PIK3C2G: variants seen among roughly 807,000 people sequenced by gnomAD.
PIK3C2G encodes the protein phosphatidylinositol-4-phosphate 3-kinase catalytic subunit type 2 gamma.
Under a neutral mutation model 181.1 loss-of-function variants are expected in PIK3C2G, and 168 were observed. That is an observed-to-expected ratio of 0.93 (90% CI 0.82 to 1.05). The LOEUF (loss-of-function observed/expected upper bound fraction) is 1.05. PIK3C2G is among the 50% of genes least tolerant of loss of function. The pLI is 0.00. For synonymous variants in PIK3C2G, 573 were observed against 592.2 expected (o/e 0.97, Z 0.47); for missense variants, 1,869 against 1,732.8 (o/e 1.08, Z -1.40).
chr12:18,400,310 T>A (rs760824417), intron 16 of PIK3C2G, among the ~76,000 whole-genome samples: 8 of 152,014 alleles, frequency 5.3e-5, no homozygotes, highest in Non-Finnish European at 1.0e-4. Flanking sequence ...CTTGAGATCT[T>A]CACTCAGAAT....
chr12:18,583,484 C>G (rs1249742599), intron 29 of PIK3C2G, among the ~76,000 whole-genome samples: 1 of 152,126 alleles, frequency 6.6e-6, no homozygotes, highest in Non-Finnish European at 1.5e-5. Context: ...TGAGACAGAG[C>G]TCCCAGTGGG....
At chr12:18,352,737 G>A (rs1377823485) in intron 11 of PIK3C2G, among the ~76,000 whole-genome samples, 1 of 152,168 alleles carries the variant, frequency 6.6e-6, no homozygotes, top group East Asian at 1.9e-4. Flanking sequence ...AGCTAGAAAG[G>A]GGATGGAGTG....
intron 5 of PIK3C2G, among the ~76,000 whole-genome samples, chr12:18,295,958 G>T (rs750341054): frequency 1.3e-5 from 2 of 151,978 alleles, no homozygotes; most frequent in Non-Finnish European, 2.9e-5. Context: ...TTTATACAGA[G>T]AACACAGGTA....
intron 31 of PIK3C2G, among the ~76,000 whole-genome samples, chr12:18,610,077 C>T (rs1053190848): frequency 4.0e-4 from 61 of 152,182 alleles, no homozygotes; most frequent in African/African-American, 1.3e-3. Context: ...AAAAGTTCCA[C>T]TCTCTATTAC....
chr12:18,595,846 T>G (rs1165165046), intron 30 of PIK3C2G, among the ~76,000 whole-genome samples: 1 of 152,162 alleles, frequency 6.6e-6, no homozygotes, highest in Admixed American at 6.6e-5. Context: ...TAGCTGGTCT[T>G]GCCCTTTGGA....
the PIK3C2G span, among the ~76,000 whole-genome samples, chr12:18,663,851 A>C: frequency 6.6e-6 from 1 of 152,198 alleles, no homozygotes; most frequent in Non-Finnish European, 1.5e-5. Flanking sequence ...CATACATCTT[A>C]TAAGGAATTA....
chr12:18,683,376 T>C, the PIK3C2G span: 3 of 1,564,884 alleles, frequency 1.9e-6, no homozygotes, highest in East Asian at 2.2e-5. Flanking sequence ...ATCAGTGGTG[T>C]CTCCAATAGC....
At chr12:18,449,982 G>A (rs990097749) in intron 18 of PIK3C2G, among the ~76,000 whole-genome samples, 7 of 152,114 alleles carry the variant, frequency 4.6e-5, no homozygotes, top group South Asian at 4.1e-4. Context: ...CATTCTGACT[G>A]GCATGAGATG....
chr12:18,669,646 C>T, the PIK3C2G span, among the ~76,000 whole-genome samples: 1 of 150,974 alleles, frequency 6.6e-6, no homozygotes, highest in Admixed American at 6.6e-5. Context: ...AGAGAGGAAG[C>T]TCTGGTGTCT....
upstream of PIK3C2G, among the ~76,000 whole-genome samples, chr12:18,246,919 A>T (rs1274678823): frequency 6.6e-6 from 1 of 150,426 alleles, no homozygotes; most frequent in East Asian, 1.9e-4. Flanking sequence ...TAATGGCAAG[A>T]GGCTATTATA....
Position 18,501,591 on chromosome 12 carries a change from TACTC to T in PIK3C2G, c.3017-1689_3017-1686del, listed in dbSNP as rs1451387760. 4.6e-5 allele frequency among the ~76,000 whole-genome samples: 7 copies of T among 152,348 alleles called. No individual in the cohort carries two copies. In the East Asian group the frequency reaches 1.3e-3, roughly 29 times the overall value. ...ACTATAAGAGTGAAACCACACATAT[TACTC>T]TATGTACACAGAATTATGTTCGAAG... On this transcript the variant is annotated intron_variant, in intron 22 of 32. Transcript: ENST00000538779.
intron 5 of PIK3C2G, among the ~76,000 whole-genome samples, chr12:18,301,841 A>AT (rs1240653833): frequency 1.3e-5 from 2 of 152,104 alleles, no homozygotes; most frequent in Admixed American, 6.5e-5. Flanking sequence ...ACTTCTTCCA[A>AT]TTTTTTTGGA....
the PIK3C2G span, among the ~76,000 whole-genome samples, chr12:18,658,176 A>G: frequency 1.3e-5 from 2 of 152,178 alleles, no homozygotes; most frequent in Non-Finnish European, 2.9e-5. Context: ...AGAAAAATCA[A>G]CAGATCCTAA....
At chr12:18,303,138 C>CTTTCTTTCTTT (rs1422309361) in intron 5 of PIK3C2G, among the ~76,000 whole-genome samples, 2 of 131,136 alleles carry the variant, frequency 1.5e-5, no homozygotes, top group African/African-American at 5.8e-5. Context: ...TTCTTTCTTT[C>CTTTCTTTCTTT]TTTTCTTTTC....
intron 31 of PIK3C2G, among the ~76,000 whole-genome samples, chr12:18,629,791 G>A (rs1591709566): frequency 6.6e-6 from 1 of 151,814 alleles, no homozygotes; most frequent in South Asian, 2.1e-4. Flanking sequence ...AGCTGTTTAG[G>A]GTAAACACCT....
At chr12:18,381,985 T>C (rs1942875325) in intron 14 of PIK3C2G, 105 bp downstream of exon 14, 1 of 728,434 alleles carries the variant, frequency 1.4e-6, no homozygotes. Flanking sequence ...CACATTTTAA[T>C]AGCCTTCTCT....
downstream of PIK3C2G, among the ~76,000 whole-genome samples, chr12:18,650,345 A>ATG (rs1321986932): frequency 1.3e-4 from 16 of 127,730 alleles, 1 homozygote; most frequent in African/African-American, 5.4e-4. Context: ...ATATATATAT[A>ATG]TATGTGTGTG....
intron 28 of PIK3C2G, among the ~76,000 whole-genome samples, chr12:18,564,047 G>T (rs1214796799): frequency 1.3e-5 from 2 of 151,306 alleles, no homozygotes; most frequent in African/African-American, 4.9e-5. Flanking sequence ...TTGTGCCATT[G>T]ATTTTTAACT....
At chr12:18,286,720 T>C in intron 2 of PIK3C2G, 127 bp from the exon 3 acceptor site, 2 of 574,640 alleles carry the variant, frequency 3.5e-6, no homozygotes, top group African/African-American at 3.9e-5. Context: ...ATTACTTCAA[T>C]TTTTAAAAAA....
Sources: gnomAD v4.1 joint callset for allele counts (sites outside exome capture counted in the v4.1 genomes callset) on GRCh38, gnomAD v4.1.1 for gene constraint, MANE v1.5 for transcripts, NCBI Gene and HGNC (gene_info 2026-07-23, HGNC 2026-07-21) for gene names.